Variants in DLC1 observed in about 807,000 individuals in gnomAD.
DLC1 encodes DLC1 Rho GTPase activating protein, also known as rho GTPase-activating protein 7.
A neutral mutation model predicts 140.3 loss-of-function variants in DLC1; 54 were observed. The ratio of observed to expected loss-of-function variants is 0.38; its 90% CI spans 0.31 to 0.48. The LOEUF (loss-of-function observed/expected upper bound fraction) is 0.48, where lower values mean the gene tolerates loss of function less well. Ranked by LOEUF, DLC1 falls within the 20% of genes least tolerant of loss-of-function variation. The pLI is 0.96. For synonymous variants in DLC1, 986 were observed against 728.1 expected (o/e 1.35, Z -5.70); for missense variants, 2,536 against 1,907.0 (o/e 1.33, Z -6.14).
chr8:13,464,316 C>T (rs1799821190), intron 2 of DLC1, among the ~76,000 whole-genome samples: 1 of 152,126 alleles, frequency 6.6e-6, no homozygotes, highest in Admixed American at 6.5e-5. Flanking sequence ...TTCATGTATC[C>T]TCTTGACCAT....
In DLC1 at chr8:13,101,797, G is replaced by A. The variant is rs191086890; in HGVS notation, c.1566+993C>T. On this transcript the variant is annotated intron_variant, in intron 8 of 17. Transcript: ENST00000276297. ...GCGGCATTCATAAACACTAAGGAAC[G>A]TCTTTGCTGATTATGCCCGATTTAT... Among the ~76,000 whole-genome samples the A allele has an allele frequency of 1.1e-3, 161 of 152,254 alleles. 3 individuals carry two copies. The South Asian group carries it at 0.011, about 10-fold the overall frequency.
chr8:13,246,584 C>A (rs987602945), intron 5 of DLC1, among the ~76,000 whole-genome samples: 1 of 151,862 alleles, frequency 6.6e-6, no homozygotes, highest in Non-Finnish European at 1.5e-5. Flanking sequence ...GAAGAGTTCA[C>A]AGCAATTCAT....
At chr8:13,403,236 T>C (rs1254613939) in intron 2 of DLC1, among the ~76,000 whole-genome samples, 1 of 152,228 alleles carries the variant, frequency 6.6e-6, no homozygotes, top group African/African-American at 2.4e-5. Flanking sequence ...TTTTTTGTCA[T>C]CATAAACTAT....
At position 13,209,619 on chromosome 8, in the gene DLC1, C is replaced by T. The variant is rs114990535; in HGVS notation, c.1349-93962G>A. 2.5e-3 allele frequency among the ~76,000 whole-genome samples: 374 copies of T among 152,170 alleles called. 7 individuals carry two copies. Among genetic ancestry groups the T allele is most frequent in the African/African-American group, 8.2e-3 (341 of 41,526 alleles). ...GTGGGACCTGGTGGAGTGTTCGGGT[C>T]TTGGGGGTGGATTTCTCATGAATGG... is the stretch of plus-strand genomic sequence containing the variant. On this transcript the variant is annotated intron_variant, in intron 5 of 17. Coordinates refer to ENST00000276297, the MANE Select transcript of DLC1 (RefSeq NM_182643.3).
intron 4 of DLC1, among the ~76,000 whole-genome samples, chr8:13,312,386 A>AAAAAAT (rs71207139): frequency 1.7e-4 from 14 of 81,678 alleles, no homozygotes; most frequent in East Asian, 2.6e-4. Context: ...AAAAAAAAAA[A>AAAAAAT]AATAATTTCT....
chr8:13,169,559 C>G (rs7841153), intron 5 of DLC1, among the ~76,000 whole-genome samples: 82,694 of 151,596 alleles, frequency 0.55, 23,069 homozygotes, highest in East Asian at 0.85. Flanking sequence ...ACTTAGGTTT[C>G]AGTTCACCCT....
intron 2 of DLC1, among the ~76,000 whole-genome samples, chr8:13,482,791 C>T (rs1321042169): frequency 6.6e-6 from 1 of 152,170 alleles, no homozygotes; most frequent in Admixed American, 6.5e-5. Flanking sequence ...TTCACTCAAT[C>T]ACTCATTCAA....
intron 7 of DLC1, among the ~76,000 whole-genome samples, chr8:13,108,372 A>G (rs907284699): frequency 6.6e-6 from 1 of 152,220 alleles, no homozygotes; most frequent in Non-Finnish European, 1.5e-5. Flanking sequence ...TATTCTATGC[A>G]GGAGAGAAAA....
chr8:13,482,651 T>G (rs1370801770), intron 2 of DLC1, among the ~76,000 whole-genome samples: 1 of 152,192 alleles, frequency 6.6e-6, no homozygotes, highest in East Asian at 1.9e-4. Context: ...TGAGAGATAT[T>G]AGGTAGAACT....
intron 4 of DLC1, among the ~76,000 whole-genome samples, chr8:13,329,245 C>A (rs1371521371): frequency 3.3e-5 from 5 of 152,156 alleles, no homozygotes; most frequent in Non-Finnish European, 7.3e-5. Flanking sequence ...GTATTACTTT[C>A]TGGATTTATG....
intron 6 of DLC1, among the ~76,000 whole-genome samples, chr8:13,114,757 C>G (rs1471867828): frequency 6.6e-6 from 1 of 152,072 alleles, no homozygotes; most frequent in Non-Finnish European, 1.5e-5. Context: ...TGAATAAATG[C>G]TCATTACCAT....
intron 15 of DLC1, 89 bp downstream of exon 15, chr8:13,090,159 CCAGA>C: frequency 4.0e-6 from 5 of 1,242,052 alleles, no homozygotes; most frequent in Non-Finnish European, 5.7e-6. Flanking sequence ...CTACAGATCC[CCAGA>C]CAGATTAGTT....
At position 13,496,538 on chromosome 8, in the gene DLC1, A is replaced by AT. The variant is rs879522236; in HGVS notation, c.1023+2510_1023+2511insA. On this transcript the variant is annotated intron_variant, in intron 2 of 17. Coordinates refer to ENST00000276297, the MANE Select transcript of DLC1 (RefSeq NM_182643.3). ...AGGATTTCACATATTATTCAGCCATACAGAGAGGTTTATATTACTATCTAC... is the reference window on the plus strand; with the variant it reads ...AGGATTTCACATATTATTCAGCCATATCAGAGAGGTTTATATTACTATCTAC... Among the ~76,000 whole-genome samples, 22 of 151,688 alleles carry AT rather than the reference A, an allele frequency of 1.5e-4. No homozygotes were observed. The East Asian group carries it at 2.5e-3, about 17-fold the overall frequency.
chr8:13,147,033 G>A (rs1215481564), intron 5 of DLC1, among the ~76,000 whole-genome samples: 1 of 152,106 alleles, frequency 6.6e-6, no homozygotes, highest in Admixed American at 6.5e-5. Context: ...AAATCAATCA[G>A]CTCACAATGT....
At chr8:13,385,119 G>T (rs6999844) in intron 4 of DLC1, among the ~76,000 whole-genome samples, 1 of 151,974 alleles carries the variant, frequency 6.6e-6, no homozygotes, top group Non-Finnish European at 1.5e-5. Flanking sequence ...GGTGGGAGCG[G>T]CCCTGATTTA....
intron 5 of DLC1, among the ~76,000 whole-genome samples, chr8:13,275,926 C>T (rs1414764861): frequency 1.3e-5 from 2 of 152,162 alleles, no homozygotes; most frequent in Non-Finnish European, 2.9e-5. Flanking sequence ...GCTTTTGCAG[C>T]AGTTGTTCAT....
intron 5 of DLC1, among the ~76,000 whole-genome samples, chr8:13,134,126 T>A (rs1822371794): frequency 6.6e-6 from 1 of 152,218 alleles, no homozygotes; most frequent in Non-Finnish European, 1.5e-5. Flanking sequence ...ATGATTCTGA[T>A]GGCCTGTAGT....
intron 4 of DLC1, among the ~76,000 whole-genome samples, chr8:13,370,910 A>G (rs565883761): frequency 1.3e-5 from 2 of 152,270 alleles, no homozygotes; most frequent in South Asian, 4.1e-4. Flanking sequence ...ACAGCCACAC[A>G]GTCACACTTA....
rs373651244 is a variant in DLC1, at chr8:13,401,604, G to C, written c.1039C>G (p.Arg347Gly). 1.7e-5 allele frequency: 28 copies of C among 1,613,150 alleles called. No individual in the cohort carries two copies. The highest frequency in any genetic ancestry group is 3.3e-5 in the Admixed American group (2 of 59,924). The change falls in exon 3 of 18, where the codon CGA (arginine) becomes GGA (glycine). Residue 347 changes from arginine to glycine, a missense_variant. Physicochemically the swap from Arg to Gly is moderately radical, Grantham distance 125. Coordinates refer to ENST00000276297, the MANE Select transcript of DLC1 (RefSeq NM_182643.3). ...LRKRKEIREDRDRARLDSMVL... is the reference protein window; with the variant it reads ...LRKRKEIREDGDRARLDSMVL... Reference sequence around the variant, plus strand: ...ATGGAGTCCAGCCGCGCCCTATCTCGATCTTCTCTTATTTCCTGAGGAACA... The same window carrying C: ...ATGGAGTCCAGCCGCGCCCTATCTCCATCTTCTCTTATTTCCTGAGGAACA...
Sources: allele counts gnomAD v4.1 joint callset (sites outside exome capture counted in the v4.1 genomes callset), GRCh38; gene constraint gnomAD v4.1.1; transcripts MANE v1.5; gene names NCBI Gene and HGNC (gene_info 2026-07-23, HGNC 2026-07-21).